CFAP45: variants seen among roughly 807,000 people sequenced by gnomAD.
CFAP45 encodes the protein cilia and flagella associated protein 45, also known as cilia- and flagella-associated protein 45.
CFAP45 carries 43 observed loss-of-function variants against 75.6 expected under a neutral mutation model. That is an observed-to-expected ratio of 0.57 (90% CI 0.45 to 0.73). The LOEUF (loss-of-function observed/expected upper bound fraction) is 0.73, where lower values mean the gene tolerates loss of function less well. CFAP45 is among the 30% of genes least tolerant of loss of function. The pLI is 0.00. For missense variants in CFAP45, 689 were observed against 701.5 expected, an observed-to-expected ratio of 0.98 and a Z score of 0.20; for synonymous variants, 223 against 244.6, an observed-to-expected ratio of 0.91 and a Z score of 0.82.
chr1:159,877,072 T>C (rs1649420995), intron 9 of CFAP45, among the ~76,000 whole-genome samples: 1 of 152,236 alleles, frequency 6.6e-6, no homozygotes, highest in African/African-American at 2.4e-5. Flanking sequence ...CAGGTTCCCC[T>C]GGTGACACAT....
chr1:159,896,916 A>G (rs977287699), intron 1 of CFAP45, among the ~76,000 whole-genome samples: 3 of 152,366 alleles, frequency 2.0e-5, no homozygotes, highest in East Asian at 1.9e-4. Flanking sequence ...ACTTACAGTC[A>G]TTGATATAGG....
Position 159,877,434 on chromosome 1 carries a change from T to G in CFAP45, c.1073A>C (p.Gln358Pro). Residue 358 changes from glutamine (Q) to proline (P), a missense_variant, in exon 9 of 12, where the codon CAG becomes CCG. By Grantham distance (76) the Gln-to-Pro change is moderately conservative. Coordinates refer to ENST00000368099, the MANE Select transcript of CFAP45 (RefSeq NM_012337.3). ...MAREAEFEAE[Q>P]ERIRREKEKE... ...CTCTTTCTCCCTCCGGATTCTCTCCTGCTCAGCCTCAAACTCTGCTTCTCG... is the reference window on the plus strand; with the variant it reads ...CTCTTTCTCCCTCCGGATTCTCTCCGGCTCAGCCTCAAACTCTGCTTCTCG... 6.2e-7 allele frequency: 1 copy of G among 1,614,116 alleles called. No individual in the cohort carries two copies. The highest frequency in any genetic ancestry group is 8.5e-7 in the Non-Finnish European group (1 of 1,179,946).
chr1:159,878,948 T>A (rs1438050790), intron 8 of CFAP45, among the ~76,000 whole-genome samples: 1 of 151,946 alleles, frequency 6.6e-6, no homozygotes, highest in African/African-American at 2.4e-5. Context: ...CTTTTAGCTC[T>A]GCAGGGGCAG....
intron 1 of CFAP45, among the ~76,000 whole-genome samples, chr1:159,898,516 G>T (rs145546796): frequency 6.6e-6 from 1 of 152,160 alleles, no homozygotes; most frequent in Non-Finnish European, 1.5e-5. Context: ...CTTCTCAAAG[G>T]TGTCTATATG....
At chr1:159,883,079 C>T (rs1571182957) in intron 7 of CFAP45, among the ~76,000 whole-genome samples, 1 of 152,326 alleles carries the variant, frequency 6.6e-6, no homozygotes. Context: ...TCACGTCCCC[C>T]TGTCACTCAC....
intron 2 of CFAP45, 135 bp from the exon 3 acceptor site, chr1:159,890,757 CTTTTTTTT>C (rs965390100): frequency 1.9e-5 from 6 of 319,390 alleles, no homozygotes; most frequent in African/African-American, 1.5e-4. Flanking sequence ...CTTTTCTTTT[CTTTTTTTT>C]TTTTTTTTTT....
chr1:159,890,602 G>T lies in CFAP45; in HGVS notation c.150C>A (p.Ser50Arg). Residue 50 changes from serine to arginine, a missense_variant, in exon 3 of 12, where the codon AGC becomes AGA. Physicochemically the swap from Ser to Arg is moderately radical, Grantham distance 110. Transcript: ENST00000368099. ...CTCGGAGCAGCACAATGGGGCTGTCGCTCTGGCCCTGGGCTGGGGACTATG... is the reference window on the plus strand; with the variant it reads ...CTCGGAGCAGCACAATGGGGCTGTCTCTCTGGCCCTGGGCTGGGGACTATG... ...GDIKSPAQGQSDSPIVLLRDK... is the reference protein window; with the variant it reads ...GDIKSPAQGQRDSPIVLLRDK... 3.4e-5 allele frequency: 55 copies of T among 1,614,044 alleles called. No individual in the cohort carries two copies. Among genetic ancestry groups the T allele is most frequent in the Non-Finnish European group, 4.5e-5 (53 of 1,179,974 alleles).
intron 1 of CFAP45, among the ~76,000 whole-genome samples, chr1:159,895,738 T>A (rs1189377311): frequency 6.6e-6 from 1 of 152,156 alleles, no homozygotes; most frequent in African/African-American, 2.4e-5. Flanking sequence ...GAGCTACGGC[T>A]CCCCTTTCCA....
rs1462286090 is a variant in CFAP45, at chr1:159,880,769, TAG to T, written c.898-71_898-70del. 4 of 1,496,442 alleles carry T rather than the reference TAG, an allele frequency of 2.7e-6. No individual in the cohort carries two copies. The African/African-American group carries it at 5.5e-5, about 21-fold the overall frequency. The allele number at this position is 1,496,442 out of a possible 1,614,324, so 92.7% of individuals were successfully genotyped here. A position where few individuals can be genotyped will look rare whatever the true frequency, so the allele number is the denominator to read the frequency against. ...ACAAGAAGCCACTGGCATCCAGGGATAGAGAGATGCAGACAGAGGAGGGGGCA... is the reference window on the plus strand; with the variant it reads ...ACAAGAAGCCACTGGCATCCAGGGATAGAGATGCAGACAGAGGAGGGGGCA... On this transcript the variant is annotated intron_variant, in intron 7 of 11. Transcript: ENST00000368099.
chr1:159,894,970 C>T (rs1158810837), intron 1 of CFAP45, among the ~76,000 whole-genome samples: 2 of 152,182 alleles, frequency 1.3e-5, no homozygotes, highest in Non-Finnish European at 2.9e-5. Flanking sequence ...CCTTGCCAGA[C>T]CAGTTCTAGG....
At chr1:159,890,398 G>C in intron 3 of CFAP45, 82 bp downstream of exon 3, 1 of 1,334,642 alleles carries the variant, frequency 7.5e-7, no homozygotes, top group South Asian at 1.2e-5. Flanking sequence ...ATGAAACCAG[G>C]TGGGTTTACC....
chr1:159,876,700 C>T lies in CFAP45; in HGVS notation c.1208G>A (p.Arg403His), dbSNP rs778198689. 4 of 1,614,170 alleles carry T rather than the reference C, an allele frequency of 2.5e-6. No individual in the cohort carries two copies. The highest frequency in any genetic ancestry group is 2.2e-5 in the East Asian group (1 of 44,878). ...RNQEVADREW[R>H]RKEKENARKK... The stretch of plus-strand genomic sequence containing the variant: ...CCGCGCATTTTCCTTTTCCTTTCTG[C>T]GCCACTCTCTGTCTGCAACCTCCTG... The change falls in exon 10 of 12, where the codon CGC (arginine) becomes CAC (histidine). Residue 403 changes from arginine (R) to histidine (H), a missense_variant. Transcript: ENST00000368099.
At chr1:159,875,271 G>A (rs1649371957) in intron 10 of CFAP45, among the ~76,000 whole-genome samples, 2 of 152,210 alleles carry the variant, frequency 1.3e-5, no homozygotes, top group African/African-American at 4.8e-5. Flanking sequence ...GGGCATAGAG[G>A]CCAGGGAGGA....
Position 159,876,738 on chromosome 1 carries a change from C to T in CFAP45, c.1170G>A (p.Arg390=). Residue 390 remains arginine, a synonymous_variant, in exon 10 of 12, where the codon CGG becomes CGA. Coordinates refer to ENST00000368099, the MANE Select transcript of CFAP45 (RefSeq NM_012337.3). ...QDYQAEQDAL[R]AKRNQEVADR... ...CTGCAACCTCCTGGTTGCGCTTGGC[C>T]CGCAAGGCATCCTGGGAATGTTGGC... 1 of 1,614,176 alleles carries T rather than the reference C, an allele frequency of 6.2e-7. No individual in the cohort carries two copies. Among genetic ancestry groups the T allele is most frequent in the Non-Finnish European group, 8.5e-7 (1 of 1,180,022 alleles).
At chr1:159,876,398 TAA>T (rs1649402445) in intron 10 of CFAP45, 156 bp downstream of exon 10, 2 of 625,048 alleles carry the variant, frequency 3.2e-6, no homozygotes, top group East Asian at 2.8e-5. Context: ...AAGTGATTTT[TAA>T]AAGTTTCAAT....
rs540909087 is a variant in CFAP45 at position 159,898,145 on chromosome 1, A to C, written c.3+1951T>G. 7.1e-6 allele frequency: 7 copies of C among 985,358 alleles called. No individual in the cohort carries two copies. The East Asian group carries it at 7.9e-4, about 112-fold the overall frequency. 61.0% of individuals were successfully genotyped at this position (985,358 alleles called of 1,614,324 possible). A position where few individuals can be genotyped will look rare whatever the true frequency, so the allele number is the denominator to read the frequency against. On this transcript the variant is annotated intron_variant, in intron 1 of 11. Coordinates refer to ENST00000368099, the MANE Select transcript of CFAP45 (RefSeq NM_012337.3). Reference sequence around the variant, plus strand: ...GGCTTCAAACTCTTGGCCTGGTTCTACTTCCCTTTCTGTAGACTTTGGTTA... The same window carrying C: ...GGCTTCAAACTCTTGGCCTGGTTCTCCTTCCCTTTCTGTAGACTTTGGTTA...
intron 8 of CFAP45, among the ~76,000 whole-genome samples, chr1:159,880,211 G>A (rs1305469344): frequency 6.6e-6 from 1 of 152,110 alleles, no homozygotes; most frequent in Non-Finnish European, 1.5e-5. Context: ...TGATTACCGG[G>A]GGTATAATTA....
In CFAP45 at chr1:159,887,906, T is replaced by C. The variant is rs1226962459; in HGVS notation, c.523A>G (p.Asn175Asp). 1 of 1,614,268 alleles carries C rather than the reference T, an allele frequency of 6.2e-7. No individual in the cohort carries two copies. The highest frequency in any genetic ancestry group is 1.3e-5 in the African/African-American group (1 of 75,074). ...AGCTTGTTGGCTCTCTGCAGGAGGT[T>C]CTGGGCCCGTTCCTTGGCCACCTCC... ...LEEVAKERAQ[N>D]LLQRANKLRM... The change falls in exon 5 of 12, where the codon AAC (asparagine) becomes GAC (aspartate). Residue 175 changes from asparagine (N) to aspartate (D), a missense_variant. Coordinates refer to ENST00000368099, the MANE Select transcript of CFAP45 (RefSeq NM_012337.3).
At chr1:159,891,006 G>C (rs577214357) in intron 2 of CFAP45, among the ~76,000 whole-genome samples, 21 of 152,154 alleles carry the variant, frequency 1.4e-4, no homozygotes, top group African/African-American at 4.3e-4. Context: ...TGATCCGCCC[G>C]CCTGGGCCTC....
Sources: allele counts gnomAD v4.1 joint callset (sites outside exome capture counted in the v4.1 genomes callset), GRCh38; gene constraint gnomAD v4.1.1; transcripts MANE v1.5; gene names NCBI Gene and HGNC (gene_info 2026-07-23, HGNC 2026-07-21).